SNTG1: variants seen among roughly 807,000 people sequenced by gnomAD.
SNTG1 encodes the protein gamma-1-syntrophin.
In SNTG1, 39 loss-of-function variants were observed where a neutral mutation model predicts 74.7. The ratio of observed to expected loss-of-function variants is 0.52; its 90% CI spans 0.40 to 0.68. The LOEUF (loss-of-function observed/expected upper bound fraction) is 0.68. Ranked by LOEUF, SNTG1 falls within the 30% of genes least tolerant of loss-of-function variation. The pLI is 0.00. For missense variants in SNTG1, 685 were observed against 609.5 expected, an observed-to-expected ratio of 1.12 and a Z score of -1.30; for synonymous variants, 254 against 217.1, an observed-to-expected ratio of 1.17 and a Z score of -1.49.
Position 50,204,477 on chromosome 8 carries a change from C to G in SNTG1, c.-28+31842C>G, listed in dbSNP as rs182104601. Among the ~76,000 whole-genome samples, 20 of 152,192 alleles carry G rather than the reference C, an allele frequency of 1.3e-4. No individual in the cohort carries two copies. The East Asian group carries it at 2.5e-3, about 19-fold the overall frequency. The stretch of plus-strand genomic sequence containing the variant: ...ATATCTTCCAAATAAACTGCAAGTT[C>G]ATTTTGTATAGCATATTAATCTAGG... On this transcript the variant is annotated intron_variant, in intron 2 of 18. Transcript: ENST00000642720.
intron 1 of SNTG1, among the ~76,000 whole-genome samples, chr8:50,054,207 T>C (rs1363593872): frequency 6.6e-6 from 1 of 152,126 alleles, no homozygotes; most frequent in Non-Finnish European, 1.5e-5. Flanking sequence ...ACGACTCATC[T>C]TTCCCAAATG....
chr8:50,243,110 T>C (rs560529089), intron 2 of SNTG1, among the ~76,000 whole-genome samples: 3 of 152,168 alleles, frequency 2.0e-5, no homozygotes, highest in Non-Finnish European at 4.4e-5. Context: ...AAAACATGTA[T>C]CTATGAAATA....
intron 2 of SNTG1, among the ~76,000 whole-genome samples, chr8:50,371,012 A>G (rs2092255351): frequency 6.6e-6 from 1 of 152,166 alleles, no homozygotes; most frequent in Non-Finnish European, 1.5e-5. Flanking sequence ...TGAAACATGA[A>G]CTTAAATGTG....
At position 50,751,986 on chromosome 8, in the gene SNTG1, T is replaced by A. The variant is rs745330233; in HGVS notation, c.1285-15T>A. 2.0e-6 allele frequency: 3 copies of A among 1,474,550 alleles called. No individual in the cohort carries two copies. The African/African-American group carries it at 4.5e-5, about 22-fold the overall frequency. 91.3% of individuals were successfully genotyped at this position (1,474,550 alleles called of 1,614,324 possible). ...TAATTCCACCGACTTACATTGTTTT[T>A]TTTCCCCCCTTTAGGCTGTCCTTTG... On this transcript the variant is annotated splice_polypyrimidine_tract_variant and intron_variant, in intron 17 of 18. Transcript: ENST00000642720.
chr8:49,949,276 T>C (rs1309632482), intron 1 of SNTG1, among the ~76,000 whole-genome samples: 1 of 152,244 alleles, frequency 6.6e-6, no homozygotes, highest in Non-Finnish European at 1.5e-5. Context: ...AGAATCGATG[T>C]CATCATGTGA....
intron 9 of SNTG1, among the ~76,000 whole-genome samples, chr8:50,524,092 T>C (rs2094201425): frequency 6.6e-6 from 1 of 152,178 alleles, no homozygotes; most frequent in South Asian, 2.1e-4. Context: ...TTTTTTGTAG[T>C]TCCATGCTTT....
chr8:50,179,996 A>G (rs1038794384), intron 2 of SNTG1, among the ~76,000 whole-genome samples: 1 of 152,242 alleles, frequency 6.6e-6, no homozygotes, highest in Non-Finnish European at 1.5e-5. Flanking sequence ...TCTTTGTAGC[A>G]TTATTCACAA....
rs142649200 is a variant in SNTG1, at chr8:50,563,685, C to T, written c.810+10506C>T. On this transcript the variant is annotated intron_variant, in intron 12 of 18. Coordinates refer to ENST00000642720, the MANE Select transcript of SNTG1 (RefSeq NM_018967.5). ...TTGGAAATAAGTGGACTTTAAAGCA[C>T]ATATCTAGTTGCAAATCAAGACAAA... is the stretch of plus-strand genomic sequence containing the variant. Among the ~76,000 whole-genome samples the T allele has an allele frequency of 5.4e-3, 816 of 152,164 alleles. 7 individuals are homozygous for T. Among genetic ancestry groups the T allele is most frequent in the African/African-American group, 0.018 (756 of 41,530 alleles).
intron 11 of SNTG1, 61 bp from the exon 12 acceptor site, chr8:50,552,989 A>G: frequency 6.3e-7 from 1 of 1,593,590 alleles, no homozygotes; most frequent in Non-Finnish European, 8.6e-7. Flanking sequence ...AGATACTATT[A>G]CGAGCTGCAA....
At chr8:50,645,136 G>C (rs1182868506) in intron 13 of SNTG1, among the ~76,000 whole-genome samples, 4 of 27,508 alleles carry the variant, frequency 1.5e-4, no homozygotes, top group African/African-American at 5.3e-4. Context: ...TTTTAATATA[G>C]AAACATGTTT....
At chr8:49,964,923 A>G (rs1398690076) in intron 1 of SNTG1, among the ~76,000 whole-genome samples, 1 of 152,222 alleles carries the variant, frequency 6.6e-6, no homozygotes, top group Non-Finnish European at 1.5e-5. Flanking sequence ...AGTATTATCA[A>G]ACCACATTAG....
chr8:50,426,431 T>C (rs1202428691), intron 4 of SNTG1, among the ~76,000 whole-genome samples: 2 of 151,970 alleles, frequency 1.3e-5, no homozygotes, highest in East Asian at 3.8e-4. Flanking sequence ...TATGTCTTAG[T>C]TTTTAACAAA....
At chr8:50,600,930 G>C (rs1317847912) in intron 13 of SNTG1, among the ~76,000 whole-genome samples, 1 of 151,352 alleles carries the variant, frequency 6.6e-6, no homozygotes, top group Non-Finnish European at 1.5e-5. Context: ...AGGACTTTGG[G>C]AGGCCAAGGT....
At chr8:50,288,690 T>C (rs1020930616) in intron 2 of SNTG1, among the ~76,000 whole-genome samples, 1 of 151,608 alleles carries the variant, frequency 6.6e-6, no homozygotes, top group African/African-American at 2.4e-5. Flanking sequence ...TTGATTAAGG[T>C]CATCTGGAAA....
At chr8:50,682,795 A>G (rs1018781468) in intron 15 of SNTG1, among the ~76,000 whole-genome samples, 5 of 152,110 alleles carry the variant, frequency 3.3e-5, no homozygotes, top group Non-Finnish European at 5.9e-5. Context: ...TACCCACCCA[A>G]TAACTCAGAC....
At chr8:50,714,185 T>C (rs994664794) in intron 17 of SNTG1, among the ~76,000 whole-genome samples, 1 of 152,136 alleles carries the variant, frequency 6.6e-6, no homozygotes, top group Non-Finnish European at 1.5e-5. Flanking sequence ...TTCTCTTCCA[T>C]TGGTCTATAA....
rs1178961101 is a variant in SNTG1 at position 50,655,728 on chromosome 8, T to G, written c.850-1181T>G. Among the ~76,000 whole-genome samples, 3 of 152,196 alleles carry G rather than the reference T, an allele frequency of 2.0e-5. No individual in the cohort carries two copies. In the East Asian group the frequency reaches 5.8e-4, roughly 29 times the overall value. On this transcript the variant is annotated intron_variant, in intron 13 of 18. Transcript: ENST00000642720. ...TCTATGAGTAGACGACAGTAATATT[T>G]CAAATCTTGCATTTCAAATTCTTGC... is the stretch of plus-strand genomic sequence containing the variant.
intron 1 of SNTG1, among the ~76,000 whole-genome samples, chr8:50,012,267 C>G (rs2130583825): frequency 6.6e-6 from 1 of 152,106 alleles, no homozygotes; most frequent in South Asian, 2.1e-4. Context: ...TCAAGTGCAA[C>G]TGAGGTGGTT....
intron 2 of SNTG1, among the ~76,000 whole-genome samples, chr8:50,378,268 G>A (rs1376388610): frequency 6.6e-6 from 1 of 152,218 alleles, no homozygotes; most frequent in Non-Finnish European, 1.5e-5. Flanking sequence ...TCCCACAGGT[G>A]GCATTGCAGA....
Sources: allele counts gnomAD v4.1 joint callset (sites outside exome capture counted in the v4.1 genomes callset), GRCh38; gene constraint gnomAD v4.1.1; transcripts MANE v1.5; gene names NCBI Gene and HGNC (gene_info 2026-07-23, HGNC 2026-07-21).